The following PAK3 variants were observed in gnomAD, a reference collection of about 807,000 sequenced individuals.
PAK3 encodes the protein p21 (RAC1) activated kinase 3, also known as serine/threonine-protein kinase PAK 3.
In PAK3, 4 loss-of-function variants were observed where a neutral mutation model predicts 41.0. The ratio of observed to expected loss-of-function variants is 0.10; its 90% confidence interval spans 0.05 to 0.22. The LOEUF is 0.22. PAK3 is among the 10% of genes least tolerant of loss of function. PAK3 has a pLI of 1.00. For missense variants in PAK3, 205 were observed against 409.9 expected (o/e 0.50, Z 4.32); for synonymous variants, 146 against 139.6 (o/e 1.05, Z -0.32).
intron 1 of PAK3, among the ~76,000 whole-genome samples, chrX:111,060,330 C>G (rs1398729510): frequency 4.5e-5 from 5 of 111,209 alleles, no homozygotes; most frequent in African/African-American, 1.6e-4. Context: ...ATTTAATTTG[C>G]TACTATTTTG....
chrX:111,145,204 G>A (rs375729720), intron 6 of PAK3, among the ~76,000 whole-genome samples: 7 of 111,753 alleles, frequency 6.3e-5, no homozygotes, highest in East Asian at 5.6e-4. Context: ...TTTGAATGTC[G>A]GGTTTTAGTG....
chrX:110,996,955 G>A (rs777676523), intron 1 of PAK3, among the ~76,000 whole-genome samples: 5 of 111,823 alleles, frequency 4.5e-5, no homozygotes, highest in African/African-American at 6.5e-5. Flanking sequence ...TTTTTTGGAG[G>A]AGAGAAACAC....
At chrX:111,197,468 T>C (rs2094628557) in intron 16 of PAK3, among the ~76,000 whole-genome samples, 1 of 111,986 alleles carries the variant, frequency 8.9e-6, no homozygotes, top group South Asian at 3.8e-4. Context: ...AGTTGAATGA[T>C]TTATATTCCT....
chrX:111,058,069 T>G (rs1324769380), intron 1 of PAK3, among the ~76,000 whole-genome samples: 1 of 112,446 alleles, frequency 8.9e-6, no homozygotes, highest in Non-Finnish European at 1.9e-5. Flanking sequence ...ATTTTGGTGA[T>G]TCATGCAACA....
intron 1 of PAK3, among the ~76,000 whole-genome samples, chrX:111,008,185 C>G (rs2091960771): frequency 8.9e-6 from 1 of 112,356 alleles, no homozygotes; most frequent in Admixed American, 9.4e-5. Context: ...GTTGTGCAAT[C>G]TTGGATGAGT....
chrX:110,969,390 T>C (rs1386975466), intron 1 of PAK3, among the ~76,000 whole-genome samples: 1 of 106,576 alleles, frequency 9.4e-6, no homozygotes. Context: ...TTTAAGCGAT[T>C]CTTGTGCTTC....
chrX:110,951,812 C>T (rs1156666058), intron 1 of PAK3, among the ~76,000 whole-genome samples: 1 of 112,306 alleles, frequency 8.9e-6, no homozygotes, highest in Non-Finnish European at 1.9e-5. Flanking sequence ...AATGAATGAC[C>T]ATTTAGGGTC....
chrX:110,973,903 G>A (rs1274242293), intron 1 of PAK3, among the ~76,000 whole-genome samples: 4 of 111,514 alleles, frequency 3.6e-5, no homozygotes, highest in African/African-American at 6.5e-5. Context: ...AAAAAAGCAG[G>A]GGTTGCAATC....
intron 1 of PAK3, among the ~76,000 whole-genome samples, chrX:110,965,973 C>T (rs941925941): frequency 8.9e-6 from 1 of 111,826 alleles, no homozygotes; most frequent in African/African-American, 3.3e-5. Context: ...GAGGCCACGT[C>T]GTATGCACTA....
intron 1 of PAK3, among the ~76,000 whole-genome samples, chrX:110,977,818 T>C (rs1285112695): frequency 1.8e-5 from 2 of 112,058 alleles, no homozygotes; most frequent in African/African-American, 3.2e-5. Context: ...CAGGATGTTC[T>C]GGACACTGGT....
intron 1 of PAK3, among the ~76,000 whole-genome samples, chrX:111,035,344 G>A (rs1042747015): frequency 2.7e-5 from 3 of 111,115 alleles, no homozygotes; most frequent in African/African-American, 6.6e-5. Flanking sequence ...TGCACTCTGC[G>A]GGGACTTACC....
At chrX:110,997,482 G>A (rs1288149805) in intron 1 of PAK3, among the ~76,000 whole-genome samples, 3 of 111,362 alleles carry the variant, frequency 2.7e-5, no homozygotes, top group Non-Finnish European at 3.8e-5. Context: ...GACACAAACT[G>A]TATGTGTTTT....
intron 2 of PAK3, 56 bp downstream of exon 2, chrX:111,097,512 A>T (rs1431586421): frequency 9.1e-6 from 1 of 109,699 alleles, no homozygotes; most frequent in Non-Finnish European, 1.9e-5. Flanking sequence ...CTATTTTTAA[A>T]AAACGGCTTT....
chrX:111,063,855 A>G (rs1240178241), intron 1 of PAK3, among the ~76,000 whole-genome samples: 1 of 109,816 alleles, frequency 9.1e-6, no homozygotes, highest in African/African-American at 3.3e-5. Context: ...CTCCTTAAAC[A>G]TGGAAAGAAG....
chrX:111,187,085 AGTTT>A (rs1215273467), intron 11 of PAK3, among the ~76,000 whole-genome samples: 2 of 112,122 alleles, frequency 1.8e-5, no homozygotes, highest in East Asian at 5.6e-4. Flanking sequence ...ATTTATTAAT[AGTTT>A]ATTTATTGTA....
At chrX:110,965,828 A>T (rs759623824) in intron 1 of PAK3, among the ~76,000 whole-genome samples, 1 of 112,340 alleles carries the variant, frequency 8.9e-6, no homozygotes, top group South Asian at 3.8e-4. Context: ...CCTCAAAATG[A>T]TCCTGTGAGA....
intron 1 of PAK3, among the ~76,000 whole-genome samples, chrX:111,083,462 T>C (rs2092851923): frequency 8.9e-6 from 1 of 112,240 alleles, no homozygotes; most frequent in African/African-American, 3.2e-5. Context: ...CAAATCATTA[T>C]TCATTCCATA....
intron 5 of PAK3, among the ~76,000 whole-genome samples, chrX:111,131,290 T>C (rs1341665028): frequency 1.8e-5 from 2 of 111,339 alleles, no homozygotes; most frequent in African/African-American, 6.5e-5. Flanking sequence ...CCCCTTAGAT[T>C]CATTCATGAT....
At chrX:111,157,039 G>A (rs2094115355) in intron 8 of PAK3, among the ~76,000 whole-genome samples, 1 of 112,001 alleles carries the variant, frequency 8.9e-6, no homozygotes, top group Admixed American at 9.5e-5. Context: ...GCAGTTGACA[G>A]ATTGCTCTTT....
Sources: gnomAD v4.1 joint callset for allele counts (sites outside exome capture counted in the v4.1 genomes callset) on GRCh38, gnomAD v4.1.1 for gene constraint, MANE v1.5 for transcripts, NCBI Gene and HGNC (gene_info 2026-07-23, HGNC 2026-07-21) for gene names.